GPHN: variants seen among roughly 807,000 people sequenced by gnomAD.
The protein encoded by GPHN is gephyrin.
In GPHN, 17 loss-of-function variants were observed where a neutral mutation model predicts 95.5. The observed-to-expected ratio is 0.18, with a 90% CI of 0.12 to 0.27. The LOEUF (loss-of-function observed/expected upper bound fraction) is 0.27, where lower values mean the gene tolerates loss of function less well. GPHN is among the 10% of genes least tolerant of loss of function. GPHN has a pLI of 1.00. For synonymous variants in GPHN, 320 were observed against 322.5 expected, an observed-to-expected ratio of 0.99 and a Z score of 0.08; for missense variants, 660 against 978.1, an observed-to-expected ratio of 0.67 and a Z score of 4.34.
intron 9 of GPHN, among the ~76,000 whole-genome samples, chr14:66,978,287 A>G (rs767250720): frequency 3.9e-5 from 6 of 152,062 alleles, no homozygotes; most frequent in Non-Finnish European, 7.4e-5. Context: ...AGATCGATTG[A>G]CCCTTCCTTT....
intron 2 of GPHN, among the ~76,000 whole-genome samples, chr14:66,748,739 T>G (rs1228878839): frequency 6.6e-6 from 1 of 151,898 alleles, no homozygotes; most frequent in Non-Finnish European, 1.5e-5. Flanking sequence ...ACATTAAATT[T>G]ATTTATGTTT....
At chr14:67,623,918 G>A in the GPHN span, among the ~76,000 whole-genome samples, 1 of 152,198 alleles carries the variant, frequency 6.6e-6, no homozygotes, top group African/African-American at 2.4e-5. Flanking sequence ...ACAGCCTACT[G>A]CAATCTCAAC....
the GPHN span, among the ~76,000 whole-genome samples, chr14:67,456,598 A>C: frequency 6.7e-6 from 1 of 148,454 alleles, no homozygotes; most frequent in Non-Finnish European, 1.5e-5. Flanking sequence ...GCAAAACTCC[A>C]TCTCAAAAAA....
At chr14:67,360,510 T>A in the GPHN span, 1 of 308,662 alleles carries the variant, frequency 3.2e-6, no homozygotes. Flanking sequence ...TTGTGTCCAG[T>A]GACATGGGTG....
chr14:66,947,916 A>G (rs763505017), intron 8 of GPHN, among the ~76,000 whole-genome samples: 6 of 152,220 alleles, frequency 3.9e-5, no homozygotes, highest in South Asian at 4.1e-4. Context: ...GATCACACCA[A>G]TGGATCTCCA....
At chr14:66,788,650 T>C (rs1159483833) in intron 3 of GPHN, among the ~76,000 whole-genome samples, 1 of 152,182 alleles carries the variant, frequency 6.6e-6, no homozygotes, top group Non-Finnish European at 1.5e-5. Flanking sequence ...TTTGTTTGTT[T>C]GTTTGTTTTT....
chr14:66,908,088 G>T (rs2065474298), intron 5 of GPHN, among the ~76,000 whole-genome samples: 1 of 151,982 alleles, frequency 6.6e-6, no homozygotes, highest in South Asian at 2.1e-4. Flanking sequence ...AGCAGAGAGG[G>T]TCTAAAATAA....
intron 10 of GPHN, among the ~76,000 whole-genome samples, chr14:67,034,264 T>C (rs1469333236): frequency 2.0e-5 from 3 of 152,212 alleles, no homozygotes; most frequent in African/African-American, 4.8e-5. Context: ...TATATATGAT[T>C]GATAGATTGT....
At chr14:67,360,898 G>A in the GPHN span, among the ~76,000 whole-genome samples, 1 of 152,168 alleles carries the variant, frequency 6.6e-6, no homozygotes, top group African/African-American at 2.4e-5. Context: ...CGTCTCAGTG[G>A]AAACCAAACT....
intron 1 of GPHN, among the ~76,000 whole-genome samples, chr14:66,571,393 A>G (rs564077605): frequency 3.9e-5 from 6 of 152,238 alleles, no homozygotes; most frequent in South Asian, 2.1e-4. Flanking sequence ...ACAGAGCCAA[A>G]CCATTATCAT....
the GPHN span, among the ~76,000 whole-genome samples, chr14:67,377,766 C>T: frequency 6.6e-6 from 1 of 152,096 alleles, no homozygotes; most frequent in African/African-American, 2.4e-5. Context: ...CACTTCTCAA[C>T]TTTTCCTTTA....
At chr14:67,722,396 A>G in the GPHN span, 2 of 587,122 alleles carry the variant, frequency 3.4e-6, no homozygotes, top group Admixed American at 2.9e-5. Flanking sequence ...GTAAGCTTCA[A>G]ACCTTGACTC....
chr14:67,332,412 A>C, the GPHN span, among the ~76,000 whole-genome samples: 1 of 152,210 alleles, frequency 6.6e-6, no homozygotes, highest in South Asian at 2.1e-4. Flanking sequence ...ACTCCATATT[A>C]CAGATGTTAC....
At chr14:67,044,643 TTTGTTG>T (rs901970008) in intron 10 of GPHN, among the ~76,000 whole-genome samples, 1 of 152,094 alleles carries the variant, frequency 6.6e-6, no homozygotes, top group Non-Finnish European at 1.5e-5. Context: ...TGCTGCTGCT[TTTGTTG>T]TTGTTGTTGT....
the GPHN span, among the ~76,000 whole-genome samples, chr14:67,339,387 C>G: frequency 6.6e-6 from 1 of 152,060 alleles, no homozygotes; most frequent in South Asian, 2.1e-4. Flanking sequence ...TTTGGCTCAA[C>G]ACAACCCTGA....
At chr14:66,742,862 C>A (rs1318692810) in intron 2 of GPHN, among the ~76,000 whole-genome samples, 1 of 152,126 alleles carries the variant, frequency 6.6e-6, no homozygotes, top group Non-Finnish European at 1.5e-5. Flanking sequence ...TCTGGGTTCA[C>A]GCCATTCTCC....
the GPHN span, chr14:67,582,246 G>T: frequency 6.2e-7 from 1 of 1,612,894 alleles, no homozygotes; most frequent in Non-Finnish European, 8.5e-7. The surrounding 1 kb of genome is among the most constrained non-coding windows in gnomAD (Gnocchi z 5.0). Context: ...GGGTCGGGTT[G>T]CCAGCTTAGA....
the GPHN span, among the ~76,000 whole-genome samples, chr14:67,563,111 G>T: frequency 3.9e-5 from 6 of 152,190 alleles, no homozygotes; most frequent in African/African-American, 1.4e-4. Flanking sequence ...GTCATTTCCT[G>T]AGTGCTCACC....
chr14:67,446,406 C>T, the GPHN span, among the ~76,000 whole-genome samples: 6 of 152,190 alleles, frequency 3.9e-5, no homozygotes, highest in Non-Finnish European at 5.9e-5. Context: ...GGGAAGCCAA[C>T]AGCCTCCAAA....
Sources: allele counts gnomAD v4.1 joint callset (sites outside exome capture counted in the v4.1 genomes callset), GRCh38; gene constraint gnomAD v4.1.1; non-coding constraint Gnocchi (gnomAD v3.1); transcripts MANE v1.5; gene names NCBI Gene and HGNC (gene_info 2026-07-23, HGNC 2026-07-21).